ABCG2: variants seen among roughly 807,000 people sequenced by gnomAD.
ABCG2 encodes broad substrate specificity ATP-binding cassette transporter ABCG2.
In ABCG2, 80 loss-of-function variants were observed where a neutral mutation model predicts 73.5. The ratio of observed to expected loss-of-function variants is 1.09; its 90% CI spans 0.91 to 1.31. The LOEUF is 1.31. Ranked by LOEUF, ABCG2 falls within the 50% of genes most tolerant of loss-of-function variation. ABCG2 has a pLI of 0.00. For synonymous variants in ABCG2, 269 were observed against 282.4 expected, an observed-to-expected ratio of 0.95 and a Z score of 0.48; for missense variants, 796 against 786.2, an observed-to-expected ratio of 1.01 and a Z score of -0.15.
upstream of ABCG2, among the ~76,000 whole-genome samples, chr4:88,161,077 GA>G (rs919531806): frequency 2.0e-5 from 3 of 151,998 alleles, no homozygotes; most frequent in Admixed American, 2.0e-4. Flanking sequence ...AGCACTTTGG[GA>G]GGAGGCCAGA....
At chr4:88,199,894 C>T (rs1014201321) in intron 1 of ABCG2, among the ~76,000 whole-genome samples, 3 of 151,736 alleles carry the variant, frequency 2.0e-5, no homozygotes, top group African/African-American at 7.3e-5. Flanking sequence ...CCAACTACTC[C>T]GGGAGGCTGA....
chr4:88,159,071 C>T, upstream of ABCG2: 1 of 451,640 alleles, frequency 2.2e-6, no homozygotes, highest in Middle Eastern at 3.5e-4. Context: ...GTACCACCGC[C>T]CTCCCTCGGG....
chr4:88,155,657 C>A (rs756528694), intron 1 of ABCG2, among the ~76,000 whole-genome samples: 4 of 152,236 alleles, frequency 2.6e-5, no homozygotes, highest in African/African-American at 4.8e-5. Flanking sequence ...GTATTCCCAG[C>A]ACTTGGGGAG....
chr4:88,175,138 A>G (rs1000329129), intron 1 of ABCG2, among the ~76,000 whole-genome samples: 2 of 152,236 alleles, frequency 1.3e-5, no homozygotes, highest in African/African-American at 4.8e-5. Context: ...CTACTACACA[A>G]TTGATTTACT....
chr4:88,195,159 A>C (rs1728892957), intron 1 of ABCG2, among the ~76,000 whole-genome samples: 1 of 152,282 alleles, frequency 6.6e-6, no homozygotes, highest in East Asian at 1.9e-4. Flanking sequence ...GCTTGAGGCC[A>C]GGAGTTCAAG....
rs772645448 is a variant in ABCG2 at position 88,097,473 on chromosome 4, T to C, written c.1627A>G (p.Ile543Val). ...VVSVATLLMT[I>V]CFVFMMIFSG... ...CTCACCATCATAAACACAAAACAGA[T>C]GGTCATGAGAAGTGTTGCTACAGAA... Residue 543 changes from isoleucine to valine, a missense_variant, in exon 13 of 16, where the codon ATC becomes GTC. Coordinates refer to ENST00000237612, the MANE Select transcript of ABCG2 (RefSeq NM_004827.3). 1.2e-6 allele frequency: 2 copies of C among 1,614,088 alleles called. No homozygotes were observed. Among genetic ancestry groups the C allele is most frequent in the Admixed American group, 3.3e-5 (2 of 60,018 alleles).
At chr4:88,229,437 G>C (rs1032838090) in intron 1 of ABCG2, among the ~76,000 whole-genome samples, 1 of 152,140 alleles carries the variant, frequency 6.6e-6, no homozygotes, top group African/African-American at 2.4e-5. Flanking sequence ...CCAGGAATTC[G>C]AGACCAGCCT....
At chr4:88,230,308 T>TATATATATATATATATATATATA (rs746680651) in intron 1 of ABCG2, among the ~76,000 whole-genome samples, 969 of 95,914 alleles carry the variant, frequency 0.01, 70 homozygotes, top group Middle Eastern at 0.032. Flanking sequence ...TATATATATA[T>TATATATATATATATATATATATA]TTTTTTTTTT....
chr4:88,099,319 C>T lies in ABCG2; in HGVS notation c.1492+5G>A, dbSNP rs766129240. On this transcript the variant is annotated splice_donor_5th_base_variant and intron_variant, in intron 12 of 15. Transcript: ENST00000237612. ...ATGTCCTTTTTTGTTTTGTTACATA[C>T]TTACCTAACATGAAGTACACTATAC... 3.2e-5 allele frequency: 51 copies of T among 1,586,642 alleles called. No homozygotes were observed. The highest frequency in any genetic ancestry group is 4.1e-5 in the Non-Finnish European group (48 of 1,169,028).
chr4:88,144,212 C>A (rs1725821013), intron 1 of ABCG2, among the ~76,000 whole-genome samples: 1 of 152,188 alleles, frequency 6.6e-6, no homozygotes, highest in African/African-American at 2.4e-5. Flanking sequence ...CCCTGCAAAG[C>A]CTTAAGTGAA....
At chr4:88,172,448 C>T (rs997794709) in intron 1 of ABCG2, among the ~76,000 whole-genome samples, 2 of 151,160 alleles carry the variant, frequency 1.3e-5, no homozygotes, top group Non-Finnish European at 2.9e-5. Context: ...CACAGTGGCA[C>T]CCGCCTGTAA....
At chr4:88,217,552 CT>C (rs1244729833) in intron 1 of ABCG2, among the ~76,000 whole-genome samples, 1 of 151,972 alleles carries the variant, frequency 6.6e-6, no homozygotes, top group East Asian at 1.9e-4. Flanking sequence ...GTCCCAGCTA[CT>C]CAGGAGGCTC....
In ABCG2 at chr4:88,209,835, G is replaced by A. The variant is rs972184785; in HGVS notation, c.-20+21159C>T. On this transcript the variant is annotated intron_variant, in intron 1 of 15. Coordinates refer to the ABCG2 transcript ENST00000515655. ...ATGATAAGTTTTAGATTCAAGCTAC[G>A]TGGTAGTAGCAATATACTGTGCTTT... Among the ~76,000 whole-genome samples the A allele has an allele frequency of 1.1e-4, 17 of 152,242 alleles. No homozygotes were observed. The East Asian group carries it at 2.3e-3, about 21-fold the overall frequency.
chr4:88,196,282 G>A (rs1728939094), intron 1 of ABCG2, among the ~76,000 whole-genome samples: 1 of 152,160 alleles, frequency 6.6e-6, no homozygotes, highest in Admixed American at 6.5e-5. Context: ...CCAAAATGTA[G>A]TCATCTTTAC....
At chr4:88,216,230 G>C (rs1729807288) in intron 1 of ABCG2, among the ~76,000 whole-genome samples, 1 of 152,174 alleles carries the variant, frequency 6.6e-6, no homozygotes, top group South Asian at 2.1e-4. Context: ...ATGAGCCGTG[G>C]CTACTGGATT....
Position 88,099,308 on chromosome 4 carries a change from TTTG to T in ABCG2, c.1492+13_1492+15del. ...AGACTAAAGACATGTCCTTTTTTGTTTTGTTACATACTTACCTAACATGAAGTA... is the reference window on the plus strand; with the variant it reads ...AGACTAAAGACATGTCCTTTTTTGTTTTACATACTTACCTAACATGAAGTA... On this transcript the variant is annotated intron_variant, in intron 12 of 15. Transcript: ENST00000237612. 1 of 1,566,738 alleles carries T rather than the reference TTTG, an allele frequency of 6.4e-7. No individual in the cohort carries two copies. The highest frequency in any genetic ancestry group is 8.6e-7 in the Non-Finnish European group (1 of 1,159,750).
chr4:88,226,362 T>TCA (rs1730212290), intron 1 of ABCG2, among the ~76,000 whole-genome samples: 1 of 152,142 alleles, frequency 6.6e-6, no homozygotes, highest in Admixed American at 6.5e-5. Flanking sequence ...TCCCTCACAT[T>TCA]CACACACACA....
chr4:88,137,468 G>T (rs1428536664), intron 2 of ABCG2, among the ~76,000 whole-genome samples: 1 of 152,160 alleles, frequency 6.6e-6, no homozygotes, highest in African/African-American at 2.4e-5. Flanking sequence ...ATGACCAAGT[G>T]ATCAATTTTA....
intron 1 of ABCG2, among the ~76,000 whole-genome samples, chr4:88,150,884 T>C (rs971464416): frequency 2.0e-5 from 3 of 152,104 alleles, no homozygotes; most frequent in Admixed American, 6.6e-5. Flanking sequence ...CCTCCCTCCA[T>C]AGCCTATGAG....
Sources: gnomAD v4.1 joint callset for allele counts (sites outside exome capture counted in the v4.1 genomes callset) on GRCh38, gnomAD v4.1.1 for gene constraint, MANE v1.5 for transcripts, NCBI Gene and HGNC (gene_info 2026-07-23, HGNC 2026-07-21) for gene names.